PTPRN2: variants seen among roughly 807,000 people sequenced by gnomAD.
The protein encoded by PTPRN2 is protein tyrosine phosphatase receptor type N2, also known as receptor-type tyrosine-protein phosphatase N2.
A neutral mutation model predicts 118.8 loss-of-function variants in PTPRN2; 74 were observed. The observed-to-expected ratio is 0.62, with a 90% CI of 0.52 to 0.76. PTPRN2 has a LOEUF of 0.76. Among genes scored for constraint, PTPRN2 ranks in the 30% least tolerant of loss-of-function variants. The probability of loss-of-function intolerance (pLI) is 0.00; values close to 1 mark genes in which losing one functional copy is unlikely to be tolerated. For missense variants in PTPRN2, 1,481 were observed against 1,394.4 expected, an observed-to-expected ratio of 1.06 and a Z score of -0.99; for synonymous variants, 641 against 608.0, an observed-to-expected ratio of 1.05 and a Z score of -0.80.
chr7:157,775,511 C>T (rs1167576732), intron 12 of PTPRN2, among the ~76,000 whole-genome samples: 1 of 152,222 alleles, frequency 6.6e-6, no homozygotes, highest in Admixed American at 6.5e-5. Flanking sequence ...ATACAGGACT[C>T]GATGCCTCGA....
intron 12 of PTPRN2, among the ~76,000 whole-genome samples, chr7:157,887,419 TC>T (rs1796519470): frequency 1.9e-4 from 4 of 21,122 alleles, no homozygotes; most frequent in African/African-American, 5.8e-4. Flanking sequence ...AGTACCCACT[TC>T]CCCCAGTACC....
chr7:158,245,298 G>A (rs1208042924), intron 3 of PTPRN2, among the ~76,000 whole-genome samples: 2 of 151,770 alleles, frequency 1.3e-5, no homozygotes, highest in East Asian at 1.9e-4. Context: ...GCCAGAATCC[G>A]TGGTCATGCC....
chr7:158,110,651 A>T (rs1476847557), intron 10 of PTPRN2, among the ~76,000 whole-genome samples, 178 bp downstream of exon 10: 1 of 152,040 alleles, frequency 6.6e-6, no homozygotes, highest in Non-Finnish European at 1.5e-5. Flanking sequence ...CCCCTTAAAC[A>T]CTGGTTTCCA....
chr7:158,312,754 C>G (rs190594896), intron 3 of PTPRN2, among the ~76,000 whole-genome samples: 1 of 147,026 alleles, frequency 6.8e-6, no homozygotes, highest in Admixed American at 6.9e-5. Flanking sequence ...CACTCATTCA[C>G]GTGCTCATGT....
chr7:157,830,794 G>T (rs990256003), intron 12 of PTPRN2, among the ~76,000 whole-genome samples: 2 of 152,192 alleles, frequency 1.3e-5, no homozygotes, highest in African/African-American at 4.8e-5. Flanking sequence ...ACAAAACACA[G>T]CATTCACCCT....
chr7:158,074,260 C>T (rs577499580), intron 11 of PTPRN2, among the ~76,000 whole-genome samples: 2 of 152,332 alleles, frequency 1.3e-5, no homozygotes, highest in South Asian at 2.1e-4. Context: ...ATCACAGCCT[C>T]CTGCCGACGA....
chr7:158,080,165 T>G (rs1812685910), intron 11 of PTPRN2, among the ~76,000 whole-genome samples: 1 of 152,010 alleles, frequency 6.6e-6, no homozygotes, highest in Non-Finnish European at 1.5e-5. Context: ...CTTCACACCT[T>G]GATTACTCTC....
intron 18 of PTPRN2, 82 bp downstream of exon 18, chr7:157,577,939 A>G: frequency 6.9e-7 from 1 of 1,442,638 alleles, no homozygotes; most frequent in African/African-American, 1.4e-5. Flanking sequence ...GGGGGGCCCT[A>G]ACGAATCCCA....
rs1826633224 is a variant in PTPRN2, at chr7:158,551,214, G to C, written c.112+36344C>G. On this transcript the variant is annotated intron_variant, in intron 1 of 22. Coordinates refer to ENST00000389418, the MANE Select transcript of PTPRN2 (RefSeq NM_002847.5). The stretch of plus-strand genomic sequence containing the variant: ...TCCCACTGCGGATGGTCACTGCCTT[G>C]CTGTGTCCTCCCATGGTGGGAAGGA... Among the ~76,000 whole-genome samples the C allele has an allele frequency of 2.0e-5, 3 of 152,354 alleles. No homozygotes were observed. In the South Asian group the frequency reaches 6.2e-4, roughly 32 times the overall value.
intron 13 of PTPRN2, among the ~76,000 whole-genome samples, chr7:157,667,263 G>A (rs1212752857): frequency 8.1e-5 from 10 of 123,366 alleles, no homozygotes; most frequent in African/African-American, 2.1e-4. Flanking sequence ...ACACAGCCTG[G>A]CTTGCACACT....
At chr7:158,216,637 T>C (rs1430149932) in intron 3 of PTPRN2, among the ~76,000 whole-genome samples, 6 of 152,122 alleles carry the variant, frequency 3.9e-5, no homozygotes, top group Admixed American at 2.0e-4. Flanking sequence ...GAGTTATAAA[T>C]AGGTCAACCC....
chr7:158,333,752 A>G (rs1488125021), intron 2 of PTPRN2, among the ~76,000 whole-genome samples: 5 of 147,518 alleles, frequency 3.4e-5, no homozygotes, highest in Non-Finnish European at 7.5e-5. Context: ...TCTCACCATA[A>G]GAGCTGACAC....
chr7:157,770,861 G>A (rs1272236685), intron 12 of PTPRN2, among the ~76,000 whole-genome samples: 1 of 152,112 alleles, frequency 6.6e-6, no homozygotes, highest in Non-Finnish European at 1.5e-5. Context: ...CTGAGTGTGG[G>A]GGCTGTGGGC....
chr7:158,201,857 T>A (rs896555196), intron 4 of PTPRN2, among the ~76,000 whole-genome samples: 1 of 152,204 alleles, frequency 6.6e-6, no homozygotes, highest in Non-Finnish European at 1.5e-5. Flanking sequence ...ATTTGATTGA[T>A]GTCTCACGCC....
intron 1 of PTPRN2, among the ~76,000 whole-genome samples, chr7:158,569,453 G>C (rs909169237): frequency 3.9e-5 from 6 of 152,260 alleles, no homozygotes; most frequent in African/African-American, 1.4e-4. Context: ...ACCCTCCCCG[G>C]GACGTCACAG....
chr7:158,205,144 G>T, intron 4 of PTPRN2, 27 bp downstream of exon 4: 1 of 1,562,940 alleles, frequency 6.4e-7, no homozygotes, highest in Non-Finnish European at 8.8e-7. Flanking sequence ...CTGGGAGCAA[G>T]GAGCAACAAG....
intron 12 of PTPRN2, among the ~76,000 whole-genome samples, chr7:157,683,836 C>CCG (rs909212128): frequency 6.6e-6 from 1 of 152,176 alleles, no homozygotes; most frequent in Non-Finnish European, 1.5e-5. Flanking sequence ...GCCCCGCAGA[C>CCG]CGCGCGCCCT....
At chr7:158,457,777 CG>C (rs1180244820) in intron 2 of PTPRN2, among the ~76,000 whole-genome samples, 1 of 148,234 alleles carries the variant, frequency 6.7e-6, no homozygotes, top group Non-Finnish European at 1.5e-5. Context: ...AGCGGATGCG[CG>C]GCCCCAGTCA....
At chr7:158,140,155 G>T (rs1372182322) in intron 6 of PTPRN2, among the ~76,000 whole-genome samples, 2 of 152,218 alleles carry the variant, frequency 1.3e-5, no homozygotes, top group African/African-American at 4.8e-5. Flanking sequence ...ACCACTTTAA[G>T]GTAGGGTTCA....
Sources: allele counts gnomAD v4.1 joint callset (sites outside exome capture counted in the v4.1 genomes callset), GRCh38; gene constraint gnomAD v4.1.1; transcripts MANE v1.5; gene names NCBI Gene and HGNC (gene_info 2026-07-23, HGNC 2026-07-21).